CARMIL1: variants seen among roughly 807,000 people sequenced by gnomAD.
CARMIL1 encodes the protein capping protein regulator and myosin 1 linker 1, also known as F-actin-uncapping protein LRRC16A.
Under a neutral mutation model 177.1 loss-of-function variants are expected in CARMIL1, and 90 were observed. That is an observed-to-expected ratio of 0.51 (90% CI 0.43 to 0.61). The LOEUF (loss-of-function observed/expected upper bound fraction) is 0.61. CARMIL1 is among the 20% of genes least tolerant of loss of function. CARMIL1 has a pLI of 0.00. For synonymous variants in CARMIL1, 577 were observed against 606.2 expected, an observed-to-expected ratio of 0.95 and a Z score of 0.71; for missense variants, 1,380 against 1,667.0, an observed-to-expected ratio of 0.83 and a Z score of 3.00.
chr6:25,492,298 T>C (rs146219954), intron 15 of CARMIL1, among the ~76,000 whole-genome samples: 11 of 152,344 alleles, frequency 7.2e-5, no homozygotes, highest in Non-Finnish European at 1.3e-4. Flanking sequence ...TGTCTTAATA[T>C]GGGAAAAACC....
At chr6:25,490,263 C>G (rs571119378) in intron 13 of CARMIL1, among the ~76,000 whole-genome samples, 1 of 152,270 alleles carries the variant, frequency 6.6e-6, no homozygotes, top group African/African-American at 2.4e-5. Context: ...AAGAGCTCCC[C>G]CAGCTGGTAG....
chr6:25,551,124 T>C, intron 27 of CARMIL1, 39 bp downstream of exon 27: 2 of 1,529,420 alleles, frequency 1.3e-6, no homozygotes, highest in Non-Finnish European at 1.8e-6. Context: ...AGCTGCAGTT[T>C]CTGTAAATGC....
In CARMIL1 at chr6:25,445,213, A is replaced by G. The variant is rs75072585; in HGVS notation, c.372-4685A>G. The stretch of plus-strand genomic sequence containing the variant: ...CATAAGAAGCAACTTCTCATTTGTT[A>G]AAAGTTTTTTCGTGGATTACAACAA... On this transcript the variant is annotated intron_variant, in intron 5 of 36. Transcript: ENST00000329474. Among the ~76,000 whole-genome samples the G allele has an allele frequency of 6.4e-4, 98 of 152,336 alleles. 2 individuals are homozygous for G. The East Asian group carries it at 0.013, about 20-fold the overall frequency.
intron 28 of CARMIL1, 90 bp from the exon 29 acceptor site, chr6:25,556,611 G>A (rs529213875): frequency 1.0e-4 from 127 of 1,236,316 alleles, no homozygotes; most frequent in East Asian, 5.0e-4. Context: ...GCTCCACTGC[G>A]CCATCTTGTG....
At chr6:25,340,779 T>C in intron 2 of CARMIL1, among the ~76,000 whole-genome samples, 1 of 30,982 alleles carries the variant, frequency 3.2e-5, no homozygotes, top group South Asian at 6.0e-4. Context: ...CAATGAAGGT[T>C]TTTTTTTTTT....
At chr6:25,489,694 T>A (rs1375953311) in intron 13 of CARMIL1, among the ~76,000 whole-genome samples, 2 of 152,222 alleles carry the variant, frequency 1.3e-5, no homozygotes, top group Non-Finnish European at 2.9e-5. Context: ...GGTTTACCTG[T>A]AAGGCAGGAA....
chr6:25,585,875 A>G (rs1215960539), intron 31 of CARMIL1, among the ~76,000 whole-genome samples: 1 of 152,216 alleles, frequency 6.6e-6, no homozygotes, highest in Non-Finnish European at 1.5e-5. Context: ...GTAAGGTTAT[A>G]GATTAACAGC....
chr6:25,392,720 G>T (rs989386100), intron 2 of CARMIL1, among the ~76,000 whole-genome samples: 4 of 152,204 alleles, frequency 2.6e-5, no homozygotes, highest in Admixed American at 2.6e-4. Context: ...GTATCCACGT[G>T]TAGGAAATAT....
intron 2 of CARMIL1, among the ~76,000 whole-genome samples, chr6:25,364,748 A>C (rs1789591836): frequency 6.6e-6 from 1 of 152,228 alleles, no homozygotes; most frequent in African/African-American, 2.4e-5. Context: ...TATTTTTAGT[A>C]GAGATGGGGT....
Position 25,509,878 on chromosome 6 carries a change from A to C in CARMIL1, c.1477+141A>C. The C allele has an allele frequency of 1.7e-6, 1 of 605,834 alleles. No homozygotes were observed. Among genetic ancestry groups the C allele is most frequent in the South Asian group, 2.0e-5 (1 of 49,242 alleles). 37.5% of individuals were successfully genotyped at this position (605,834 alleles called of 1,614,324 possible). A position where few individuals can be genotyped will look rare whatever the true frequency, so the allele number is the denominator to read the frequency against. On this transcript the variant is annotated intron_variant, in intron 18 of 36. Transcript: ENST00000329474. The surrounding 1 kb of genome is among the most constrained non-coding windows in gnomAD (Gnocchi z 4.1). ...ATTTTTTGACTAATAGGGCTTTTAA[A>C]TTTAACAATGGGGTATATTTGTAGA...
At chr6:25,320,692 C>T (rs4712908) in intron 2 of CARMIL1, among the ~76,000 whole-genome samples, 51,325 of 151,996 alleles carry the variant, frequency 0.34, 8,937 homozygotes, top group Admixed American at 0.4. Flanking sequence ...GTGGTGATTT[C>T]GTTGAAAGCT....
Position 25,334,184 on chromosome 6 carries a change from T to A in CARMIL1, c.138+49275T>A, listed in dbSNP as rs375437877. Among the ~76,000 whole-genome samples, 19 of 152,334 alleles carry A rather than the reference T, an allele frequency of 1.2e-4. No individual in the cohort carries two copies. The East Asian group carries it at 3.7e-3, about 29-fold the overall frequency. On this transcript the variant is annotated intron_variant, in intron 2 of 36. Coordinates refer to ENST00000329474, the MANE Select transcript of CARMIL1 (RefSeq NM_017640.6). ...AGCCGCTATGAGCTGCAAGGTTTCC[T>A]GAGGCAGAGGTATCCGGAACAGAGT...
chr6:25,479,938 AT>A (rs1263854582), intron 11 of CARMIL1, among the ~76,000 whole-genome samples: 3 of 152,070 alleles, frequency 2.0e-5, no homozygotes, highest in Non-Finnish European at 4.4e-5. Context: ...TTAAGTTATA[AT>A]TATTTGGGGA....
intron 36 of CARMIL1, chr6:25,612,428 A>G (rs1816578002): frequency 6.6e-6 from 1 of 152,220 alleles, no homozygotes; most frequent in African/African-American, 2.4e-5. Flanking sequence ...CTTCTGGATT[A>G]TTCCATAGTG....
chr6:25,329,788 T>C (rs1271990832), intron 2 of CARMIL1, among the ~76,000 whole-genome samples: 1 of 152,202 alleles, frequency 6.6e-6, no homozygotes, highest in Non-Finnish European at 1.5e-5. Flanking sequence ...TTTTGAAAGA[T>C]AGGGTTGAAG....
intron 8 of CARMIL1, chr6:25,451,986 G>GCGC: frequency 1.8e-5 from 2 of 112,672 alleles, no homozygotes; most frequent in East Asian, 2.0e-4. Flanking sequence ...CTAGCATCTT[G>GCGC]CCCCCCCCTC....
Position 25,586,969 on chromosome 6 carries a change from C to T in CARMIL1, c.3006+5530C>T, listed in dbSNP as rs118036358. ...GAGAGAGAGGAAGAGGGAGAGAGAC[C>T]GTGGAGAGAGAGGGAGAGGGAGACC... On this transcript the variant is annotated intron_variant, in intron 31 of 36. Transcript: ENST00000329474. 2.9e-3 allele frequency among the ~76,000 whole-genome samples: 393 copies of T among 134,102 alleles called. 2 individuals carry two copies. Among genetic ancestry groups the T allele is most frequent in the South Asian group, 0.018 (69 of 3,786 alleles). The allele number at this position is 134,102 out of a possible 152,430, so 88.0% of individuals were successfully genotyped here.
intron 2 of CARMIL1, among the ~76,000 whole-genome samples, chr6:25,351,110 T>C (rs1788066728): frequency 6.6e-6 from 1 of 152,234 alleles, no homozygotes; most frequent in African/African-American, 2.4e-5. Context: ...TGTGGCCCTC[T>C]ATGGTAGCTG....
chr6:25,456,037 T>G (rs770591451), intron 8 of CARMIL1, among the ~76,000 whole-genome samples: 3 of 152,160 alleles, frequency 2.0e-5, no homozygotes, highest in Non-Finnish European at 4.4e-5. Context: ...TAGGATCTGC[T>G]CTTCTTCAGA....
Sources: gnomAD v4.1 joint callset for allele counts (sites outside exome capture counted in the v4.1 genomes callset) on GRCh38, gnomAD v4.1.1 for gene constraint, Gnocchi (gnomAD v3.1) non-coding constraint, MANE v1.5 for transcripts, NCBI Gene and HGNC (gene_info 2026-07-23, HGNC 2026-07-21) for gene names.